The following BBX variants were observed in gnomAD, a reference collection of about 807,000 sequenced individuals.
BBX encodes the protein HMG box transcription factor BBX.
BBX carries 30 observed loss-of-function variants against 100.2 expected under a neutral mutation model. That is an observed-to-expected ratio of 0.30 (90% confidence interval 0.22 to 0.41). BBX has a LOEUF of 0.41. Among genes scored for constraint, BBX ranks in the 10% least tolerant of loss-of-function variants. The probability of loss-of-function intolerance (pLI) is 1.00; values close to 1 mark genes in which losing one functional copy is unlikely to be tolerated. For missense variants in BBX, 1,023 were observed against 1,129.8 expected (o/e 0.91, Z 1.35); for synonymous variants, 376 against 388.1 (o/e 0.97, Z 0.37).
intron 6 of BBX, among the ~76,000 whole-genome samples, chr3:107,729,563 A>T (rs933052579): frequency 2.0e-5 from 3 of 152,168 alleles, no homozygotes; most frequent in Non-Finnish European, 2.9e-5. Context: ...GGTATGCTAA[A>T]TCATTTATTA....
intron 2 of BBX, among the ~76,000 whole-genome samples, chr3:107,590,214 G>T (rs1235790528): frequency 6.6e-6 from 1 of 151,988 alleles, no homozygotes; most frequent in Non-Finnish European, 1.5e-5. Context: ...TATTAACATG[G>T]TTAAGCAGAA....
At position 107,582,680 on chromosome 3, in the gene BBX, T is replaced by G. The variant is rs142952642; in HGVS notation, c.-84+56282T>G. 6.5e-3 allele frequency among the ~76,000 whole-genome samples: 986 copies of G among 152,208 alleles called. 14 individuals carry two copies. Among genetic ancestry groups the G allele is most frequent in the African/African-American group, 0.022 (908 of 41,562 alleles). On this transcript the variant is annotated intron_variant, in intron 2 of 17. Transcript: ENST00000325805. ...AAAAGTAGTACTTCCTGTGTTAATG[T>G]TGTATTGATGGGAATATAATGTAGT...
chr3:107,592,722 T>G (rs1025439936), intron 2 of BBX, among the ~76,000 whole-genome samples: 16 of 152,214 alleles, frequency 1.1e-4, no homozygotes, highest in African/African-American at 3.9e-4. Context: ...TAAGTATGTT[T>G]AGATTCATCA....
intron 2 of BBX, among the ~76,000 whole-genome samples, chr3:107,634,788 A>G (rs1381601117): frequency 2.0e-5 from 3 of 152,230 alleles, no homozygotes; most frequent in African/African-American, 7.2e-5. Context: ...GTTTGGAAAT[A>G]AATCTTAGGT....
chr3:107,717,508 T>A (rs1205999693), intron 5 of BBX, among the ~76,000 whole-genome samples: 1 of 152,194 alleles, frequency 6.6e-6, no homozygotes, highest in Admixed American at 6.6e-5. Flanking sequence ...TTGTTTCTGT[T>A]CTGTAGGTAG....
At position 107,632,102 on chromosome 3, in the gene BBX, C is replaced by T. The variant is rs183715535; in HGVS notation, c.-83-13734C>T. Among the ~76,000 whole-genome samples, 6 of 152,048 alleles carry T rather than the reference C, an allele frequency of 3.9e-5. No homozygotes were observed. The East Asian group carries it at 5.8e-4, about 15-fold the overall frequency. ...TTTGTTGTTGTTGTTGTTGAGATGG[C>T]GTCTCCCTCTGCCACTCAGGCTGGA... On this transcript the variant is annotated intron_variant, in intron 2 of 17. Coordinates refer to ENST00000325805, the MANE Select transcript of BBX (RefSeq NM_001142568.3).
At chr3:107,562,983 A>G (rs542821072) in intron 2 of BBX, among the ~76,000 whole-genome samples, 166 of 152,302 alleles carry the variant, frequency 1.1e-3, no homozygotes, top group African/African-American at 3.6e-3. Context: ...GTGTTATGCA[A>G]ATACTTAGGA....
chr3:107,569,143 G>T (rs975715050), intron 2 of BBX, among the ~76,000 whole-genome samples: 1 of 152,164 alleles, frequency 6.6e-6, no homozygotes, highest in African/African-American at 2.4e-5. Context: ...TTTTATTCAC[G>T]TGTTATTTCA....
At position 107,744,610 on chromosome 3, in the gene BBX, GA is replaced by G. The variant is rs1318805036; in HGVS notation, c.670-19del. On this transcript the variant is annotated intron_variant, in intron 7 of 17. Transcript: ENST00000325805. ...CAGTAAATAGTACAAAAGAAAATAT[GA>G]TATCTTTCTTTGTTTCAGGTATCCT... The G allele has an allele frequency of 6.9e-6, 4 of 580,988 alleles. No individual in the cohort carries two copies. In the East Asian group the frequency reaches 4.6e-3, roughly 672 times the overall value. 36.0% of individuals were successfully genotyped at this position (580,988 alleles called of 1,614,324 possible).
intron 3 of BBX, among the ~76,000 whole-genome samples, chr3:107,698,044 C>A (rs534076112): frequency 6.6e-6 from 1 of 151,816 alleles, no homozygotes; most frequent in African/African-American, 2.4e-5. Flanking sequence ...AATGCCTCGC[C>A]CTGCTTTGGC....
intron 2 of BBX, among the ~76,000 whole-genome samples, chr3:107,543,905 G>A (rs2049030059): frequency 6.6e-6 from 1 of 152,178 alleles, no homozygotes; most frequent in Admixed American, 6.5e-5. Flanking sequence ...GTACTGCGAC[G>A]CCTCATGGTG....
At chr3:107,639,989 T>C (rs2057093032) in intron 2 of BBX, among the ~76,000 whole-genome samples, 1 of 152,222 alleles carries the variant, frequency 6.6e-6, no homozygotes, top group South Asian at 2.1e-4. Flanking sequence ...TTTCTACCCC[T>C]TAGTTTTTAT....
intron 3 of BBX, among the ~76,000 whole-genome samples, chr3:107,679,440 A>G (rs2059458489): frequency 6.6e-6 from 1 of 152,120 alleles, no homozygotes; most frequent in Non-Finnish European, 1.5e-5. Flanking sequence ...TGTGCTGAAT[A>G]TGGAAGCTGT....
intron 3 of BBX, among the ~76,000 whole-genome samples, chr3:107,694,714 T>A (rs896809225): frequency 2.0e-5 from 3 of 151,448 alleles, no homozygotes; most frequent in Non-Finnish European, 4.4e-5. Context: ...CCTCATAAAA[T>A]GAGTTAGGGA....
chr3:107,668,516 G>A (rs751241212), intron 3 of BBX, among the ~76,000 whole-genome samples: 6 of 152,148 alleles, frequency 3.9e-5, no homozygotes, highest in Non-Finnish European at 8.8e-5. Flanking sequence ...TTGGGCTTGC[G>A]TTTTCATCCC....
intron 5 of BBX, among the ~76,000 whole-genome samples, chr3:107,728,450 C>T (rs1462603309): frequency 6.6e-6 from 1 of 152,132 alleles, no homozygotes; most frequent in Non-Finnish European, 1.5e-5. Flanking sequence ...GAGCCCTAGG[C>T]TCATTCCATT....
chr3:107,523,858 C>G (rs1298122913), intron 1 of BBX, among the ~76,000 whole-genome samples: 1 of 152,028 alleles, frequency 6.6e-6, no homozygotes, highest in Non-Finnish European at 1.5e-5. Flanking sequence ...GCCCTCTCAC[C>G]CCCCACCCCT....
intron 3 of BBX, among the ~76,000 whole-genome samples, chr3:107,662,424 A>G (rs573692702): frequency 6.6e-6 from 1 of 152,318 alleles, no homozygotes; most frequent in East Asian, 1.9e-4. Flanking sequence ...GAGAAATTCC[A>G]GTTATGAAAA....
chr3:107,544,817 A>G (rs1252977009), intron 2 of BBX, among the ~76,000 whole-genome samples: 1 of 150,808 alleles, frequency 6.6e-6, no homozygotes, highest in Non-Finnish European at 1.5e-5. Flanking sequence ...CATCCTGGCT[A>G]ACACAGTGAA....
Sources: allele counts gnomAD v4.1 joint callset (sites outside exome capture counted in the v4.1 genomes callset), GRCh38; gene constraint gnomAD v4.1.1; transcripts MANE v1.5; gene names NCBI Gene and HGNC (gene_info 2026-07-23, HGNC 2026-07-21).